The following GALNT13 variants were observed in gnomAD, a reference collection of about 807,000 sequenced individuals.
GALNT13 encodes the protein polypeptide N-acetylgalactosaminyltransferase 13.
Under a neutral mutation model 64.2 loss-of-function variants are expected in GALNT13, and 28 were observed. The observed-to-expected ratio is 0.44, with a 90% confidence interval of 0.32 to 0.60. GALNT13 has a LOEUF of 0.60. GALNT13 is among the 20% of genes least tolerant of loss of function. GALNT13 has a pLI of 0.05. For synonymous variants in GALNT13, 214 were observed against 224.6 expected, an observed-to-expected ratio of 0.95 and a Z score of 0.42; for missense variants, 577 against 669.8, an observed-to-expected ratio of 0.86 and a Z score of 1.53.
the GALNT13 span, among the ~76,000 whole-genome samples, chr2:153,747,213 A>G: frequency 6.6e-6 from 1 of 152,054 alleles, no homozygotes; most frequent in African/African-American, 2.4e-5. Context: ...ATTACAAGCT[A>G]TCCAATTACA....
At chr2:153,194,690 G>A in the GALNT13 span, among the ~76,000 whole-genome samples, 2 of 152,168 alleles carry the variant, frequency 1.3e-5, no homozygotes, top group Admixed American at 6.5e-5. Context: ...TAGCACCTTG[G>A]ATGTAACACT....
Position 154,072,837 on chromosome 2 carries a change from G to A in GALNT13, c.143-67500G>A, listed in dbSNP as rs955478807. Among the ~76,000 whole-genome samples the A allele has an allele frequency of 2.3e-4, 35 of 152,018 alleles. 1 individual carries two copies. Among genetic ancestry groups the A allele is most frequent in the African/African-American group, 7.7e-4 (32 of 41,502 alleles). ...GAACACAAAGAATTAAATGAAGACA[G>A]GAGAAATTTCTTCTAAAAGAATAAA... is the stretch of plus-strand genomic sequence containing the variant. On this transcript the variant is annotated intron_variant, in intron 3 of 12. Transcript: ENST00000392825.
the GALNT13 span, among the ~76,000 whole-genome samples, chr2:153,664,999 A>G: frequency 5.9e-5 from 9 of 152,232 alleles, no homozygotes; most frequent in African/African-American, 2.2e-4. Context: ...TAGAACAAAA[A>G]TTTGGTACCA....
At chr2:153,330,179 G>C in the GALNT13 span, among the ~76,000 whole-genome samples, 1 of 152,168 alleles carries the variant, frequency 6.6e-6, no homozygotes, top group African/African-American at 2.4e-5. Context: ...GGTTACTGTA[G>C]CCTTATAGTA....
At chr2:153,637,489 AAAG>A in the GALNT13 span, among the ~76,000 whole-genome samples, 3 of 152,162 alleles carry the variant, frequency 2.0e-5, no homozygotes, top group African/African-American at 7.2e-5. Flanking sequence ...AGGATAGAAT[AAAG>A]AAGAACTGAG....
intron 4 of GALNT13, among the ~76,000 whole-genome samples, chr2:154,221,064 A>G (rs1182940393): frequency 6.6e-6 from 1 of 152,036 alleles, no homozygotes; most frequent in African/African-American, 2.4e-5. Flanking sequence ...AAAGCTTCTA[A>G]TAGGTTTTTA....
At chr2:153,922,191 G>T (rs930920168) in intron 2 of GALNT13, among the ~76,000 whole-genome samples, 2 of 152,206 alleles carry the variant, frequency 1.3e-5, no homozygotes, top group Non-Finnish European at 2.9e-5. Context: ...ACTGATTATG[G>T]TTTTTTGCAG....
chr2:153,868,026 C>A (rs1283135983), upstream of GALNT13, among the ~76,000 whole-genome samples: 1 of 152,088 alleles, frequency 6.6e-6, no homozygotes, highest in Non-Finnish European at 1.5e-5. Flanking sequence ...TTAGGACATA[C>A]CTCAGCAAAA....
the GALNT13 span, among the ~76,000 whole-genome samples, chr2:153,519,157 G>A: frequency 0.031 from 4,763 of 152,168 alleles, 229 homozygotes; most frequent in African/African-American, 0.11. Flanking sequence ...TATTTCACAC[G>A]TCCAAACAGG....
intron 12 of GALNT13, among the ~76,000 whole-genome samples, chr2:154,442,025 G>A (rs990753697): frequency 1.3e-5 from 2 of 151,634 alleles, no homozygotes; most frequent in Non-Finnish European, 2.9e-5. Flanking sequence ...TGATGTTGTC[G>A]AAAAACTGGA....
chr2:153,244,744 G>T, the GALNT13 span, among the ~76,000 whole-genome samples: 4 of 152,148 alleles, frequency 2.6e-5, no homozygotes, highest in African/African-American at 9.7e-5. Flanking sequence ...CAGGTGCCTG[G>T]TGGTGATCCT....
At chr2:154,379,684 A>G (rs1300825605) in intron 9 of GALNT13, among the ~76,000 whole-genome samples, 1 of 152,112 alleles carries the variant, frequency 6.6e-6, no homozygotes, top group Non-Finnish European at 1.5e-5. Flanking sequence ...ATTGTCAAAC[A>G]GAAATCTATA....
chr2:154,132,772 G>A (rs1369961612), intron 3 of GALNT13, among the ~76,000 whole-genome samples: 1 of 151,926 alleles, frequency 6.6e-6, no homozygotes, highest in Non-Finnish European at 1.5e-5. Context: ...GTGCACACCT[G>A]TAATCCCAGC....
At chr2:153,911,174 C>T (rs980118644) in intron 2 of GALNT13, among the ~76,000 whole-genome samples, 5 of 151,722 alleles carry the variant, frequency 3.3e-5, no homozygotes, top group African/African-American at 1.2e-4. Flanking sequence ...TTATGTAATG[C>T]CCTCTTTTGA....
chr2:153,503,087 C>G, the GALNT13 span, among the ~76,000 whole-genome samples: 2 of 152,052 alleles, frequency 1.3e-5, no homozygotes, highest in Non-Finnish European at 2.9e-5. Flanking sequence ...GTTTAATTAA[C>G]TCTCATCTAT....
chr2:153,181,681 A>C, the GALNT13 span, among the ~76,000 whole-genome samples: 2 of 145,882 alleles, frequency 1.4e-5, no homozygotes, highest in East Asian at 3.9e-4. Context: ...ATTTATGTAA[A>C]TATATTTATA....
chr2:153,402,827 T>G, the GALNT13 span, among the ~76,000 whole-genome samples: 9 of 152,140 alleles, frequency 5.9e-5, no homozygotes, highest in South Asian at 2.1e-4. Context: ...TTATACATTC[T>G]TCTAAATTGT....
the GALNT13 span, among the ~76,000 whole-genome samples, chr2:153,759,203 A>C: frequency 6.6e-6 from 1 of 151,636 alleles, no homozygotes; most frequent in East Asian, 1.9e-4. Flanking sequence ...TTTTTTTTGG[A>C]GTCTTTAGGT....
the GALNT13 span, among the ~76,000 whole-genome samples, chr2:153,709,921 A>G: frequency 1.3e-5 from 2 of 152,034 alleles, no homozygotes. Context: ...TTATAAATGG[A>G]ATCTAAAACA....
Sources: gnomAD v4.1 joint callset for allele counts (sites outside exome capture counted in the v4.1 genomes callset) on GRCh38, gnomAD v4.1.1 for gene constraint, MANE v1.5 for transcripts, NCBI Gene and HGNC (gene_info 2026-07-23, HGNC 2026-07-21) for gene names.